The following C6orf141 variants were observed in gnomAD, a reference collection of about 807,000 sequenced individuals.
C6orf141 encodes the protein uncharacterized protein C6orf141.
For missense variants in C6orf141, 361 were observed against 335.8 expected (o/e 1.07, Z -0.59); for synonymous variants, 164 against 140.5 (o/e 1.17, Z -1.18).
chr6:49,557,872 C>A (rs1561996003), intron 4 of C6orf141, among the ~76,000 whole-genome samples: 1 of 151,984 alleles, frequency 6.6e-6, no homozygotes, highest in Admixed American at 6.6e-5. Flanking sequence ...ATCTCTCTCC[C>A]CTAATGCAAT....
chr6:49,556,467 C>T (rs1771959857), downstream of C6orf141, among the ~76,000 whole-genome samples: 1 of 152,096 alleles, frequency 6.6e-6, no homozygotes, highest in Non-Finnish European at 1.5e-5. Context: ...TCCTAATGAA[C>T]CATTGACTCA....
chr6:49,559,546 T>C (rs1446042200), intron 4 of C6orf141, among the ~76,000 whole-genome samples: 1 of 152,104 alleles, frequency 6.6e-6, no homozygotes, highest in African/African-American at 2.4e-5. Flanking sequence ...ACTGGGGTTA[T>C]AGCATACATA....
At chr6:49,557,221 C>T (rs1209974359) in intron 4 of C6orf141, among the ~76,000 whole-genome samples, 2 of 152,136 alleles carry the variant, frequency 1.3e-5, no homozygotes, top group Admixed American at 6.5e-5. Flanking sequence ...CATTGCACTC[C>T]AGCCTGGGCA....
intron 4 of C6orf141, among the ~76,000 whole-genome samples, chr6:49,560,190 C>T (rs977764985): frequency 1.3e-5 from 2 of 152,004 alleles, no homozygotes; most frequent in Non-Finnish European, 2.9e-5. Context: ...TGGTGCGCAC[C>T]TGTAATCCCA....
intron 4 of C6orf141, among the ~76,000 whole-genome samples, chr6:49,557,393 G>T (rs544106101): frequency 6.6e-6 from 1 of 152,276 alleles, no homozygotes; most frequent in South Asian, 2.1e-4. Flanking sequence ...TTTGTGCTTG[G>T]CAGGAAAGCG....
intron 4 of C6orf141, among the ~76,000 whole-genome samples, chr6:49,558,071 T>TTGTTTTTTTTTTTTTTTTGTTG (rs1554168735): frequency 1.9e-4 from 27 of 139,418 alleles, no homozygotes; most frequent in African/African-American, 7.1e-4. Context: ...TTTTTTTTTT[T>TTGTTTTTTTTTTTTTTTTGTTG]TTTTTTTTTT....
intron 4 of C6orf141, among the ~76,000 whole-genome samples, chr6:49,557,207 G>C (rs111801766): frequency 1.3e-5 from 2 of 152,046 alleles, no homozygotes; most frequent in Non-Finnish European, 2.9e-5. Flanking sequence ...AGCTGAGATC[G>C]CGCCATTGCA....
chr6:49,559,694 G>A (rs986907002), intron 4 of C6orf141, among the ~76,000 whole-genome samples: 2 of 152,130 alleles, frequency 1.3e-5, no homozygotes, highest in Non-Finnish European at 2.9e-5. Flanking sequence ...ATTTGGAAAG[G>A]CCATGAGGTC....
chr6:49,550,894 G>A lies in C6orf141; in HGVS notation c.102G>A (p.Arg34=). The change falls in exon 1 of 1, where the codon CGG becomes CGA. Residue 34 remains arginine, a synonymous_variant. Coordinates refer to ENST00000529246, the MANE Select transcript of C6orf141 (RefSeq NM_001145652.2). Reference sequence around the variant, plus strand: ...TGGGGGACCTCGGGCCTTTTCCGCGGGAGGTAGGGCGCGGGGCTCCGCTAG... The same window carrying A: ...TGGGGGACCTCGGGCCTTTTCCGCGAGAGGTAGGGCGCGGGGCTCCGCTAG... ...RSLGDLGPFP[R]EVGRGAPLAP... The A allele has an allele frequency of 6.6e-7, 1 of 1,524,816 alleles. No homozygotes were observed. The highest frequency in any genetic ancestry group is 8.8e-7 in the Non-Finnish European group (1 of 1,138,552). 94.5% of individuals were successfully genotyped at this position (1,524,816 alleles called of 1,614,324 possible).
exon 5 of C6orf141, chr6:49,561,873 A>T (rs1773353278): frequency 1.3e-5 from 2 of 151,266 alleles, no homozygotes; most frequent in Non-Finnish European, 2.9e-5. Flanking sequence ...AATTTTTTTT[A>T]AACTAAGGAA....
At chr6:49,555,670 G>C (rs544431211), downstream of C6orf141, among the ~76,000 whole-genome samples, 1 of 152,170 alleles carries the variant, frequency 6.6e-6, no homozygotes, top group Admixed American at 6.5e-5. Flanking sequence ...CATCACGCCC[G>C]GCTAATTTTT....
In C6orf141 at chr6:49,551,189, G is replaced by T. The variant is rs1415594282; in HGVS notation, c.397G>T (p.Val133Phe). 3 of 1,551,590 alleles carry T rather than the reference G, an allele frequency of 1.9e-6. No individual in the cohort carries two copies. Among genetic ancestry groups the T allele is most frequent in the Non-Finnish European group, 2.6e-6 (3 of 1,146,938 alleles). ...CGGCGAGGAGCCCAACTACCCTTCT[G>T]TCTTTCAACGACAAAAGCGAATTTC... ...DHGEEPNYPS[V>F]FQRQKRISGR... is the part of the protein sequence containing the mutation. The change falls in exon 1 of 1, where the codon GTC becomes TTC. Residue 133 changes from valine (V) to phenylalanine (F), a missense_variant. Coordinates refer to ENST00000529246, the MANE Select transcript of C6orf141 (RefSeq NM_001145652.2).
At chr6:49,551,056 AGTGCTCTTTCTCCTGCACCCAGAGAG>A (rs1030623572) in exon 1 of C6orf141, 1 of 1,551,524 alleles carries the variant, frequency 6.4e-7, no homozygotes, top group African/African-American at 1.4e-5. Flanking sequence ...TCAGAGAGAA[AGTGCTCTTTCTCCTGCACCCAGAGAG>A]GTGGTTAGGG....
chr6:49,552,111 A>C (rs1770788058), downstream of C6orf141: 1 of 225,390 alleles, frequency 4.4e-6, no homozygotes, highest in South Asian at 1.7e-4. Flanking sequence ...TGGGGACAGA[A>C]GACTAAGATT....
At chr6:49,554,525 C>T (rs559106891), downstream of C6orf141, among the ~76,000 whole-genome samples, 42 of 142,478 alleles carry the variant, frequency 2.9e-4, 1 homozygote, top group Non-Finnish European at 5.2e-4. Flanking sequence ...GGACTACATG[C>T]GCCCGCCACC....
exon 5 of C6orf141, chr6:49,561,839 C>T (rs981642971): frequency 2.0e-5 from 3 of 151,806 alleles, no homozygotes; most frequent in African/African-American, 7.3e-5. Flanking sequence ...CACAAGCTAC[C>T]ATGCCTGGCT....
chr6:49,559,947 G>A (rs1294163180), intron 4 of C6orf141, among the ~76,000 whole-genome samples: 7 of 152,152 alleles, frequency 4.6e-5, no homozygotes, highest in Non-Finnish European at 1.0e-4. Context: ...AGGTTATAGG[G>A]TTTATCCTAC....
At chr6:49,561,216 G>T (rs1773262182) in intron 4 of C6orf141, among the ~76,000 whole-genome samples, 1 of 151,912 alleles carries the variant, frequency 6.6e-6, no homozygotes, top group Admixed American at 6.6e-5. Flanking sequence ...TCGTGCCTCA[G>T]CCTACCAGGT....
At chr6:49,555,513 C>CTCTTT (rs568306697), downstream of C6orf141, among the ~76,000 whole-genome samples, 3 of 132,610 alleles carry the variant, frequency 2.3e-5, no homozygotes, top group Non-Finnish European at 4.7e-5. Flanking sequence ...CCAGGCTAGT[C>CTCTTT]TTTTTTTTTT....
Sources: gnomAD v4.1 joint callset for allele counts (sites outside exome capture counted in the v4.1 genomes callset) on GRCh38, gnomAD v4.1.1 for gene constraint, MANE v1.5 for transcripts, NCBI Gene and HGNC (gene_info 2026-07-23, HGNC 2026-07-21) for gene names.